Variants in RHOQ observed in about 807,000 individuals in gnomAD.
The protein encoded by RHOQ is rho-related GTP-binding protein RhoQ.
In RHOQ, 7 loss-of-function variants were observed where a neutral mutation model predicts 25.8. The observed-to-expected ratio is 0.27, with a 90% CI of 0.15 to 0.51. The LOEUF is 0.51. RHOQ is among the 20% of genes least tolerant of loss of function. RHOQ has a pLI of 0.97. For missense variants in RHOQ, 165 were observed against 260.6 expected (o/e 0.63, Z 2.53); for synonymous variants, 97 against 98.6 (o/e 0.98, Z 0.10).
In RHOQ at chr2:46,576,928, C is replaced by T. The variant is rs557013698; in HGVS notation, c.462+272C>T. Reference sequence around the variant, plus strand: ...TCAGTCCAAAGCCTGACTCCTGGGCCGAGACTCTTACACCTTTGCTACATT... The same window carrying T: ...TCAGTCCAAAGCCTGACTCCTGGGCTGAGACTCTTACACCTTTGCTACATT... On this transcript the variant is annotated intron_variant, in intron 4 of 4. Transcript: ENST00000238738. The surrounding 1 kb of genome is among the most constrained non-coding windows in gnomAD (Gnocchi z 5.1). The T allele has an allele frequency of 1.0e-5, 3 of 287,842 alleles. No homozygotes were observed. The highest frequency in any genetic ancestry group is 5.1e-5 in the Admixed American group (1 of 19,652). The allele number at this position is 287,842 out of a possible 1,614,324, so 17.8% of individuals were successfully genotyped here. A position where few individuals can be genotyped will look rare whatever the true frequency, so the allele number is the denominator to read the frequency against.
intron 1 of RHOQ, 66 bp from the exon 2 acceptor site, chr2:46,543,688 G>A: frequency 6.8e-7 from 1 of 1,473,118 alleles, no homozygotes; most frequent in Non-Finnish European, 9.4e-7. Flanking sequence ...CGGGTGGGGA[G>A]CGAAATTGCC....
Position 46,576,411 on chromosome 2 carries a change from AAAAG to A in RHOQ, c.367-145_367-142del, listed in dbSNP as rs747794120. The A allele has an allele frequency of 1.1e-5, 10 of 891,610 alleles. No individual in the cohort carries two copies. Among genetic ancestry groups the A allele is most frequent in the Admixed American group, 5.8e-5 (2 of 34,370 alleles). The allele number at this position is 891,610 out of a possible 1,614,324, so 55.2% of individuals were successfully genotyped here. ...TCATATTTTTGGAAAAAATTGTGCC[AAAAG>A]AAAGCAATTATTTTCCTGGTTTTTA... On this transcript the variant is annotated intron_variant, in intron 3 of 4. Coordinates refer to ENST00000238738, the MANE Select transcript of RHOQ (RefSeq NM_012249.4). The surrounding 1 kb of genome is among the most constrained non-coding windows in gnomAD (Gnocchi z 5.1).
At position 46,576,361 on chromosome 2, in the gene RHOQ, C is replaced by A; in HGVS notation, c.366+110C>A. 1 of 1,040,392 alleles carries A rather than the reference C, an allele frequency of 9.6e-7. No individual in the cohort carries two copies. The allele number at this position is 1,040,392 out of a possible 1,614,324, so 64.4% of individuals were successfully genotyped here. On this transcript the variant is annotated intron_variant, in intron 3 of 4. Coordinates refer to ENST00000238738, the MANE Select transcript of RHOQ (RefSeq NM_012249.4). This position sits in a 1 kb window ranked among gnomAD's most constrained non-coding sequence, Gnocchi z 5.1. Reference sequence around the variant, plus strand: ...TGAGCAAATGATGTAAGTGTTTAATCTCAGCTGCAAGTTAATGAGTTCTAT... The same window carrying A: ...TGAGCAAATGATGTAAGTGTTTAATATCAGCTGCAAGTTAATGAGTTCTAT...
At chr2:46,545,458 C>A (rs948307161) in intron 2 of RHOQ, among the ~76,000 whole-genome samples, 1 of 152,184 alleles carries the variant, frequency 6.6e-6, no homozygotes, top group African/African-American at 2.4e-5. Flanking sequence ...TATGTTTAAA[C>A]CCTGCTAGTA....
At position 46,582,428 on chromosome 2, in the gene RHOQ, A is replaced by G. The variant is rs937445334; in HGVS notation, c.*1345A>G. 3 of 152,210 alleles carry G rather than the reference A, an allele frequency of 2.0e-5. No homozygotes were observed. Among genetic ancestry groups the G allele is most frequent in the East Asian group, 1.9e-4 (1 of 5,200 alleles). The allele number at this position is 152,210 out of a possible 1,614,324, so 9.4% of individuals were successfully genotyped here. A position where few individuals can be genotyped will look rare whatever the true frequency, so the allele number is the denominator to read the frequency against. ...GTGAACCATCTTAATTACTAGTTCT[A>G]TTACCTAATTCAGCTTCCTTGTTTG... On this transcript the variant is annotated 3_prime_UTR_variant, in exon 5 of 5. Transcript: ENST00000238738.
intron 2 of RHOQ, among the ~76,000 whole-genome samples, chr2:46,544,826 T>C (rs377010186): frequency 1.3e-5 from 2 of 152,298 alleles, no homozygotes; most frequent in African/African-American, 2.4e-5. Context: ...TTTCCTTATC[T>C]GCAAAATGGG....
chr2:46,576,410 C>T lies in RHOQ; in HGVS notation c.367-151C>T. ...ATCATATTTTTGGAAAAAATTGTGC[C>T]AAAAGAAAGCAATTATTTTCCTGGT... On this transcript the variant is annotated intron_variant, in intron 3 of 4. Transcript: ENST00000238738. The surrounding 1 kb of genome is among the most constrained non-coding windows in gnomAD (Gnocchi z 5.1). 1 of 876,254 alleles carries T rather than the reference C, an allele frequency of 1.1e-6. No individual in the cohort carries two copies. Among genetic ancestry groups the T allele is most frequent in the Non-Finnish European group, 1.7e-6 (1 of 576,894 alleles). The allele number at this position is 876,254 out of a possible 1,614,324, so 54.3% of individuals were successfully genotyped here. A position where few individuals can be genotyped will look rare whatever the true frequency, so the allele number is the denominator to read the frequency against.
chr2:46,559,222 C>G (rs1668495050), intron 2 of RHOQ, among the ~76,000 whole-genome samples: 1 of 152,136 alleles, frequency 6.6e-6, no homozygotes, highest in African/African-American at 2.4e-5. Context: ...TCTTGAACTC[C>G]TGTGCTCAAG....
At chr2:46,554,025 C>T (rs1043351520) in intron 2 of RHOQ, among the ~76,000 whole-genome samples, 2 of 152,018 alleles carry the variant, frequency 1.3e-5, no homozygotes, top group East Asian at 1.9e-4. Context: ...AGTGAGAATA[C>T]GTGATGTTTG....
At chr2:46,559,109 A>T (rs1668490833) in intron 2 of RHOQ, among the ~76,000 whole-genome samples, 1 of 151,836 alleles carries the variant, frequency 6.6e-6, no homozygotes, top group African/African-American at 2.4e-5. Context: ...GCATGCCACC[A>T]CTTCTGGCTA....
chr2:46,572,518 C>T (rs1668966029), intron 2 of RHOQ, among the ~76,000 whole-genome samples: 1 of 152,276 alleles, frequency 6.6e-6, no homozygotes, highest in South Asian at 2.1e-4. Context: ...ACTTCTGGTA[C>T]TTAGCCAATT....
chr2:46,547,263 A>G (rs1017347273), intron 2 of RHOQ, among the ~76,000 whole-genome samples: 5 of 152,200 alleles, frequency 3.3e-5, no homozygotes, highest in Non-Finnish European at 5.9e-5. Context: ...TGGAACCTCT[A>G]GTCCACTTGC....
In RHOQ at chr2:46,548,070, C is replaced by G. The variant is rs1668130159; in HGVS notation, c.201+4258C>G. ...ATCCCTAGAGTTCCAGATTTAGCCA[C>G]TGTCTCAGTGTGTGGAAGTCAATTT... On this transcript the variant is annotated intron_variant, in intron 2 of 4. Transcript: ENST00000238738. The surrounding 1 kb of genome is among the most constrained non-coding windows in gnomAD (Gnocchi z 5.2). Among the ~76,000 whole-genome samples the G allele has an allele frequency of 6.6e-6, 1 of 152,130 alleles. No homozygotes were observed. Among genetic ancestry groups the G allele is most frequent in the Admixed American group, 6.5e-5 (1 of 15,288 alleles).
intron 2 of RHOQ, chr2:46,560,523 G>C: frequency 2.2e-6 from 1 of 455,498 alleles, no homozygotes. Context: ...TTGGCATACA[G>C]GCTTTGCAGC....
In RHOQ at chr2:46,576,038, T is replaced by A. The variant is rs1207974131; in HGVS notation, c.202-49T>A. On this transcript the variant is annotated intron_variant, in intron 2 of 4. Coordinates refer to ENST00000238738, the MANE Select transcript of RHOQ (RefSeq NM_012249.4). This position sits in a 1 kb window ranked among gnomAD's most constrained non-coding sequence, Gnocchi z 5.1. ...TGTAATCTAATGTACATATTACTAG[T>A]AAACAATAGAAATGTAAATACATAA... 6.6e-7 allele frequency: 1 copy of A among 1,512,690 alleles called. No homozygotes were observed. Among genetic ancestry groups the A allele is most frequent in the Non-Finnish European group, 8.9e-7 (1 of 1,122,546 alleles). The allele number at this position is 1,512,690 out of a possible 1,614,324, so 93.7% of individuals were successfully genotyped here. A position where few individuals can be genotyped will look rare whatever the true frequency, so the allele number is the denominator to read the frequency against.
chr2:46,567,334 G>C (rs1178344312), intron 2 of RHOQ, among the ~76,000 whole-genome samples: 1 of 151,936 alleles, frequency 6.6e-6, no homozygotes, highest in Non-Finnish European at 1.5e-5. Flanking sequence ...AATGTAGCCA[G>C]TGGCATGTGG....
At chr2:46,545,179 C>T (rs1211634129) in intron 2 of RHOQ, among the ~76,000 whole-genome samples, 1 of 152,190 alleles carries the variant, frequency 6.6e-6, no homozygotes, top group Non-Finnish European at 1.5e-5. Flanking sequence ...GGTTGCCTGC[C>T]CTGTAGTCGT....
At position 46,583,050 on chromosome 2, in the gene RHOQ, A is replaced by G. The variant is rs187512547; in HGVS notation, c.*1967A>G. On this transcript the variant is annotated 3_prime_UTR_variant, in exon 5 of 5. Coordinates refer to ENST00000238738, the MANE Select transcript of RHOQ (RefSeq NM_012249.4). ...AAAGGAATTGTATAAATCAATTAAC[A>G]TATTAGCTGAGTTGTCCAACACATG... is the stretch of plus-strand genomic sequence containing the variant. The G allele has an allele frequency of 1.3e-5, 2 of 152,314 alleles. No individual in the cohort carries two copies. Among genetic ancestry groups the G allele is most frequent in the Admixed American group, 1.3e-4 (2 of 15,302 alleles). 9.4% of individuals were successfully genotyped at this position (152,314 alleles called of 1,614,324 possible). A position where few individuals can be genotyped will look rare whatever the true frequency, so the allele number is the denominator to read the frequency against.
At chr2:46,570,405 A>G in intron 2 of RHOQ, among the ~76,000 whole-genome samples, 1 of 151,828 alleles carries the variant, frequency 6.6e-6, no homozygotes. Flanking sequence ...GTGCTATTGC[A>G]CTCTAGTCTG....
Sources: allele counts gnomAD v4.1 joint callset (sites outside exome capture counted in the v4.1 genomes callset), GRCh38; gene constraint gnomAD v4.1.1; non-coding constraint Gnocchi (gnomAD v3.1); transcripts MANE v1.5; gene names NCBI Gene and HGNC (gene_info 2026-07-23, HGNC 2026-07-21).